Variants in ROBO2 observed in about 807,000 individuals in gnomAD.
ROBO2 encodes roundabout guidance receptor 2.
In ROBO2, 53 loss-of-function variants were observed where a neutral mutation model predicts 160.8. That is an observed-to-expected ratio of 0.33 (90% confidence interval 0.26 to 0.41). ROBO2 has a LOEUF of 0.41. ROBO2 is among the 10% of genes least tolerant of loss of function. ROBO2 has a pLI of 1.00. For synonymous variants in ROBO2, 664 were observed against 611.7 expected, an observed-to-expected ratio of 1.09 and a Z score of -1.26; for missense variants, 1,577 against 1,722.4, an observed-to-expected ratio of 0.92 and a Z score of 1.49.
intron 2 of ROBO2, among the ~76,000 whole-genome samples, chr3:76,828,219 G>A (rs2066747572): frequency 6.6e-6 from 1 of 152,120 alleles, no homozygotes; most frequent in Non-Finnish European, 1.5e-5. Context: ...ATGTCACTGT[G>A]TGGTTATGAG....
At chr3:76,049,399 A>ATTTTTTTTT (rs1204742605) in intron 2 of ROBO2, among the ~76,000 whole-genome samples, 16 of 50,362 alleles carry the variant, frequency 3.2e-4, no homozygotes, top group African/African-American at 2.0e-3. Context: ...ATATATATAT[A>ATTTTTTTTT]TATATTTTTT....
chr3:76,042,349 C>T (rs928134209), intron 2 of ROBO2, among the ~76,000 whole-genome samples: 2 of 151,792 alleles, frequency 1.3e-5, no homozygotes, highest in African/African-American at 2.4e-5. Context: ...CAGGTATGTG[C>T]GAATATCAGA....
chr3:76,558,760 G>A (rs914787795), intron 2 of ROBO2, among the ~76,000 whole-genome samples: 4 of 151,926 alleles, frequency 2.6e-5, no homozygotes, highest in Admixed American at 2.6e-4. Flanking sequence ...TTGAAACATT[G>A]AACAATCGTT....
intron 2 of ROBO2, among the ~76,000 whole-genome samples, chr3:76,779,291 C>A (rs116026193): frequency 0.015 from 2,299 of 151,002 alleles, 59 homozygotes; most frequent in African/African-American, 0.05. Flanking sequence ...CAAAAATATA[C>A]CCGTCACCTC....
At chr3:76,446,573 G>A (rs865884909) in intron 2 of ROBO2, among the ~76,000 whole-genome samples, 2 of 151,876 alleles carry the variant, frequency 1.3e-5, no homozygotes, top group African/African-American at 2.4e-5. Flanking sequence ...AAAAGAGCCC[G>A]CACTGCCAAG....
At chr3:76,131,676 G>T (rs990093199) in intron 2 of ROBO2, among the ~76,000 whole-genome samples, 1 of 152,054 alleles carries the variant, frequency 6.6e-6, no homozygotes, top group African/African-American at 2.4e-5. Flanking sequence ...ATTGGTCATC[G>T]TTACTAAACA....
chr3:76,228,089 A>C (rs985534267), intron 2 of ROBO2, among the ~76,000 whole-genome samples: 2 of 152,186 alleles, frequency 1.3e-5, no homozygotes, highest in Non-Finnish European at 2.9e-5. Context: ...CCCTAATTTG[A>C]AATAAAAAAG....
intron 2 of ROBO2, among the ~76,000 whole-genome samples, chr3:76,672,630 C>G (rs1000584736): frequency 6.6e-6 from 1 of 152,100 alleles, no homozygotes; most frequent in Non-Finnish European, 1.5e-5. Flanking sequence ...CCTAGATGCT[C>G]TAGGTTAGAG....
chr3:76,090,218 T>A (rs1411632573), intron 2 of ROBO2, among the ~76,000 whole-genome samples: 1 of 152,060 alleles, frequency 6.6e-6, no homozygotes, highest in Non-Finnish European at 1.5e-5. Context: ...CCCAACACTT[T>A]GGGAAATTGA....
chr3:77,634,896 C>A (rs1559773536), exon 24 of ROBO2: 1 of 1,614,004 alleles, frequency 6.2e-7, no homozygotes, highest in Admixed American at 1.7e-5. Context: ...CTCTCAAAGA[C>A]CTCGACCTAC....
At chr3:76,508,384 G>C (rs530196823) in intron 2 of ROBO2, among the ~76,000 whole-genome samples, 12 of 152,114 alleles carry the variant, frequency 7.9e-5, no homozygotes, top group African/African-American at 2.9e-4. Context: ...CAGTATACCT[G>C]TTTGGAGGCT....
In ROBO2 at chr3:77,062,761, A is replaced by G. The variant is rs2066452270; in HGVS notation, c.61+21915A>G. On this transcript the variant is annotated intron_variant, in intron 1 of 25. Transcript: ENST00000461745. ...GGGGGAACTTCTATAAAGTGTTTAC[A>G]GAAGCAAGACACACAAAAAAAATGC... is the stretch of plus-strand genomic sequence containing the variant. 2.0e-5 allele frequency among the ~76,000 whole-genome samples: 3 copies of G among 152,230 alleles called. No homozygotes were observed. The South Asian group carries it at 6.2e-4, about 31-fold the overall frequency.
rs563307405 is a variant in ROBO2, at chr3:75,951,386, G to A, written c.109+13784G>A. Among the ~76,000 whole-genome samples the A allele has an allele frequency of 9.9e-4, 150 of 151,992 alleles. 3 individuals carry two copies. The highest frequency in any genetic ancestry group is 3.4e-3 in the African/African-American group (143 of 41,474). ...GTCTCTGTCTCTCCTTCATCTACTC[G>A]TTCTTCTTCTCCCCTTCCTTCTCCT... is the stretch of plus-strand genomic sequence containing the variant. On this transcript the variant is annotated intron_variant, in intron 2 of 26. Transcript: ENST00000487694.
chr3:76,279,436 G>A (rs1038801541), intron 2 of ROBO2, among the ~76,000 whole-genome samples: 3 of 151,648 alleles, frequency 2.0e-5, no homozygotes, highest in African/African-American at 7.3e-5. Flanking sequence ...TTTGTCTTTG[G>A]CATTGAATAT....
In ROBO2 at chr3:76,988,814, A is replaced by G. The variant is rs188890989; in HGVS notation, c.110-109200A>G. ...TTCGAGACATTAAGATCAAGAAGTG[A>G]ATATGTATTTTCAAAATCGAGTATC... On this transcript the variant is annotated intron_variant, in intron 2 of 26. Transcript: ENST00000487694. 2.1e-3 allele frequency among the ~76,000 whole-genome samples: 324 copies of G among 152,250 alleles called. 1 individual carries two copies. Among genetic ancestry groups the G allele is most frequent in the African/African-American group, 7.5e-3 (310 of 41,566 alleles).
At chr3:76,297,874 T>C (rs1460958871) in intron 2 of ROBO2, among the ~76,000 whole-genome samples, 3 of 152,154 alleles carry the variant, frequency 2.0e-5, no homozygotes, top group African/African-American at 7.2e-5. Context: ...GTAACATGCA[T>C]TTTCAAAAGG....
intron 2 of ROBO2, among the ~76,000 whole-genome samples, chr3:76,446,328 T>G (rs1015001837): frequency 6.6e-6 from 1 of 152,104 alleles, no homozygotes; most frequent in Non-Finnish European, 1.5e-5. Context: ...GAATCCCACT[T>G]ACAAGGGATA....
Position 76,077,352 on chromosome 3 carries a change from C to A in ROBO2, c.109+139750C>A, listed in dbSNP as rs1328265888. The stretch of plus-strand genomic sequence containing the variant: ...CCGAGGTGGGTGGATCACTTGAGGT[C>A]AGGAGTTCGAGACCAGCCTGGCCAA... On this transcript the variant is annotated intron_variant, in intron 2 of 26. Coordinates refer to the ROBO2 transcript ENST00000487694. Among the ~76,000 whole-genome samples, 3 of 152,168 alleles carry A rather than the reference C, an allele frequency of 2.0e-5. No individual in the cohort carries two copies. The South Asian group carries it at 6.2e-4, about 32-fold the overall frequency.
intron 2 of ROBO2, among the ~76,000 whole-genome samples, chr3:77,239,572 A>G (rs1161141523): frequency 6.6e-6 from 1 of 152,124 alleles, no homozygotes; most frequent in Non-Finnish European, 1.5e-5. Flanking sequence ...CCCCACCCAC[A>G]TCTTGCTGAC....
Sources: allele counts gnomAD v4.1 joint callset (sites outside exome capture counted in the v4.1 genomes callset), GRCh38; gene constraint gnomAD v4.1.1; transcripts MANE v1.5; gene names NCBI Gene and HGNC (gene_info 2026-07-23, HGNC 2026-07-21).